Variants in RABGAP1L observed in about 807,000 individuals in gnomAD.
RABGAP1L encodes the protein RAB GTPase activating protein 1 like, also known as rab GTPase-activating protein 1-like.
RABGAP1L carries 63 observed loss-of-function variants against 137.7 expected under a neutral mutation model. That is an observed-to-expected ratio of 0.46 (90% confidence interval 0.37 to 0.56). The LOEUF is 0.56. Ranked by LOEUF, RABGAP1L falls within the 20% of genes least tolerant of loss-of-function variation. The pLI is 0.00. For missense variants in RABGAP1L, 1,095 were observed against 1,244.0 expected, an observed-to-expected ratio of 0.88 and a Z score of 1.80; for synonymous variants, 431 against 433.7, an observed-to-expected ratio of 0.99 and a Z score of 0.08.
At chr1:174,730,144 C>T (rs375442401) in intron 17 of RABGAP1L, among the ~76,000 whole-genome samples, 2 of 152,146 alleles carry the variant, frequency 1.3e-5, no homozygotes, top group South Asian at 2.1e-4. Flanking sequence ...AAAATCATGT[C>T]GCTTAAAGCA....
At chr1:174,976,250 A>G in intron 22 of RABGAP1L, 68 bp downstream of exon 22, 1 of 1,289,310 alleles carries the variant, frequency 7.8e-7, no homozygotes, top group Non-Finnish European at 1.1e-6. Context: ...ACTATAAAAA[A>G]GAAGGAAAAT....
intron 4 of RABGAP1L, among the ~76,000 whole-genome samples, chr1:174,238,274 C>CAA (rs569212792): frequency 2.0e-5 from 3 of 152,152 alleles, no homozygotes; most frequent in Non-Finnish European, 2.9e-5. Context: ...CTCAGCTCGT[C>CAA]AGTCATTCTC....
rs368040145 is a variant in RABGAP1L at position 174,851,784 on chromosome 1, G to T, written c.2340+39824G>T. Among the ~76,000 whole-genome samples the T allele has an allele frequency of 7.8e-4, 118 of 151,864 alleles. 5 individuals are homozygous for T. The South Asian group carries it at 0.024, about 31-fold the overall frequency. On this transcript the variant is annotated intron_variant, in intron 19 of 25. Transcript: ENST00000681986. ...AGTCCTCCCACCTCAGCTTCCCAAA[G>T]TGTTGGGATTACAATGTGTGCCACA...
At chr1:174,968,008 C>G (rs1669796548) in intron 20 of RABGAP1L, among the ~76,000 whole-genome samples, 1 of 151,278 alleles carries the variant, frequency 6.6e-6, no homozygotes, top group South Asian at 2.1e-4. Flanking sequence ...ACTTCTCTGA[C>G]AGCCTTCCCT....
At chr1:174,353,553 C>G (rs971733471) in intron 11 of RABGAP1L, among the ~76,000 whole-genome samples, 1 of 152,176 alleles carries the variant, frequency 6.6e-6, no homozygotes, top group African/African-American at 2.4e-5. Flanking sequence ...TTTATAAGGA[C>G]CCAGAGTGCT....
intron 13 of RABGAP1L, among the ~76,000 whole-genome samples, chr1:174,410,148 T>C (rs1302448363): frequency 1.3e-5 from 2 of 152,168 alleles, no homozygotes; most frequent in Admixed American, 6.5e-5. Flanking sequence ...CCTACAGATA[T>C]GCTGTGTCAC....
chr1:174,696,369 A>T (rs926460489), intron 15 of RABGAP1L, among the ~76,000 whole-genome samples: 6 of 151,568 alleles, frequency 4.0e-5, no homozygotes, highest in African/African-American at 1.5e-4. Context: ...AAGTATAGCC[A>T]CTCTTACTTT....
intron 19 of RABGAP1L, among the ~76,000 whole-genome samples, chr1:174,912,236 G>A (rs779906859): frequency 5.3e-5 from 8 of 152,046 alleles, no homozygotes; most frequent in Non-Finnish European, 1.2e-4. Context: ...TTGAACTCTT[G>A]GCTGAAGCAA....
rs1668924062 is a variant in RABGAP1L at position 174,959,801 on chromosome 1, A to G, written c.2433+2252A>G. Among the ~76,000 whole-genome samples, 3 of 152,212 alleles carry G rather than the reference A, an allele frequency of 2.0e-5. No individual in the cohort carries two copies. In the South Asian group the frequency reaches 6.2e-4, roughly 32 times the overall value. ...ATTATAATTACATCTTCAAGGTGGC[A>G]GTCAACAACATAAGTTTCTAACCAT... is the stretch of plus-strand genomic sequence containing the variant. On this transcript the variant is annotated intron_variant, in intron 20 of 25. Coordinates refer to ENST00000681986, the MANE Select transcript of RABGAP1L (RefSeq NM_001366446.1).
chr1:174,628,473 T>C (rs1673084647), intron 13 of RABGAP1L, among the ~76,000 whole-genome samples: 1 of 152,228 alleles, frequency 6.6e-6, no homozygotes, highest in Non-Finnish European at 1.5e-5. Context: ...ATTTAACAAG[T>C]ACTCAGTTTA....
intron 11 of RABGAP1L, among the ~76,000 whole-genome samples, chr1:174,358,446 T>G (rs1326010983): frequency 6.6e-6 from 1 of 152,202 alleles, no homozygotes; most frequent in Non-Finnish European, 1.5e-5. Flanking sequence ...CAGATGTTTC[T>G]TTCAAATGGC....
At chr1:174,447,080 A>G (rs1199390265) in intron 13 of RABGAP1L, among the ~76,000 whole-genome samples, 1 of 152,220 alleles carries the variant, frequency 6.6e-6, no homozygotes, top group Non-Finnish European at 1.5e-5. Context: ...GGTATATGAA[A>G]TAACAAATGT....
chr1:174,424,884 A>G (rs1484653168), intron 13 of RABGAP1L, among the ~76,000 whole-genome samples: 1 of 151,998 alleles, frequency 6.6e-6, no homozygotes, highest in East Asian at 1.9e-4. Flanking sequence ...ATTGGATCCA[A>G]ATTTTTTGTG....
At chr1:174,595,572 C>G (rs1489297317) in intron 13 of RABGAP1L, among the ~76,000 whole-genome samples, 6 of 145,656 alleles carry the variant, frequency 4.1e-5, no homozygotes, top group African/African-American at 1.6e-4. Context: ...TTCCTTCTAA[C>G]AGACAGGACC....
chr1:174,460,381 G>A (rs1656543312), intron 13 of RABGAP1L, among the ~76,000 whole-genome samples: 1 of 152,172 alleles, frequency 6.6e-6, no homozygotes, highest in African/African-American at 2.4e-5. Flanking sequence ...TAGGTGTGAT[G>A]ATAATGACTG....
At chr1:174,982,981 A>G in intron 24 of RABGAP1L, 76 bp downstream of exon 24, 1 of 1,387,824 alleles carries the variant, frequency 7.2e-7, no homozygotes, top group Non-Finnish European at 1.0e-6. Context: ...AAGAACCCCA[A>G]ACACCACCAT....
intron 3 of RABGAP1L, among the ~76,000 whole-genome samples, chr1:174,223,639 G>T (rs1258895356): frequency 1.3e-5 from 2 of 152,114 alleles, no homozygotes; most frequent in Non-Finnish European, 1.5e-5. Context: ...GAGATGCCAT[G>T]TTGATTGATA....
intron 19 of RABGAP1L, among the ~76,000 whole-genome samples, chr1:174,927,084 A>C (rs1043326074): frequency 6.6e-6 from 1 of 152,018 alleles, no homozygotes; most frequent in Admixed American, 6.6e-5. Context: ...AAAAAAAAAA[A>C]AAGTGGGGGG....
chr1:174,694,420 G>T (rs1395623992), intron 15 of RABGAP1L, among the ~76,000 whole-genome samples: 1 of 143,198 alleles, frequency 7.0e-6, no homozygotes, highest in Non-Finnish European at 1.5e-5. Flanking sequence ...TCATTGTTCA[G>T]TTCCCACCTA....
Sources: gnomAD v4.1 joint callset for allele counts (sites outside exome capture counted in the v4.1 genomes callset) on GRCh38, gnomAD v4.1.1 for gene constraint, MANE v1.5 for transcripts, NCBI Gene and HGNC (gene_info 2026-07-23, HGNC 2026-07-21) for gene names.